Variants in WASHC4 observed in about 807,000 individuals in gnomAD.
WASHC4 encodes the protein WASH complex subunit 7.
Under a neutral mutation model 166.6 loss-of-function variants are expected in WASHC4, and 86 were observed. That is an observed-to-expected ratio of 0.52 (90% confidence interval 0.43 to 0.62). The LOEUF is 0.62. WASHC4 is among the 20% of genes least tolerant of loss of function. The probability of loss-of-function intolerance (pLI) is 0.00; values close to 1 mark genes in which losing one functional copy is unlikely to be tolerated. For synonymous variants in WASHC4, 446 were observed against 451.6 expected (o/e 0.99, Z 0.16); for missense variants, 1,262 against 1,382.4 (o/e 0.91, Z 1.38).
intron 10 of WASHC4, among the ~76,000 whole-genome samples, chr12:105,124,244 C>T (rs1305168839): frequency 6.6e-6 from 1 of 151,510 alleles, no homozygotes; most frequent in African/African-American, 2.4e-5. Flanking sequence ...CTCAGCCTCC[C>T]GAGTAGCTGG....
intron 12 of WASHC4, 51 bp downstream of exon 12, chr12:105,126,413 G>C: frequency 7.4e-7 from 1 of 1,352,710 alleles, no homozygotes; most frequent in Non-Finnish European, 1.0e-6. Context: ...AAAGATTGCA[G>C]ATAAAACTAA....
At chr12:105,136,815 T>C (rs1882368799) in intron 14 of WASHC4, among the ~76,000 whole-genome samples, 1 of 152,158 alleles carries the variant, frequency 6.6e-6, no homozygotes, top group Non-Finnish European at 1.5e-5. Context: ...TATCCTCTCT[T>C]TGATTTTTTC....
chr12:105,164,073 T>C (rs1884662314), intron 30 of WASHC4, 38 bp from the exon 31 acceptor site: 2 of 1,568,060 alleles, frequency 1.3e-6, no homozygotes, highest in Non-Finnish European at 1.8e-6. Flanking sequence ...ACTTCTGTAC[T>C]CACTGTAATT....
chr12:105,124,209 T>C (rs1484655240), intron 10 of WASHC4, among the ~76,000 whole-genome samples: 1 of 150,678 alleles, frequency 6.6e-6, no homozygotes, highest in Non-Finnish European at 1.5e-5. Context: ...AACCTCTGCC[T>C]CACGGGTTCA....
At position 105,144,744 on chromosome 12, in the gene WASHC4, ACTTT is replaced by A; in HGVS notation, c.2209_2212del (p.Phe737ThrfsTer3). 1 of 1,612,322 alleles carries A rather than the reference ACTTT, an allele frequency of 6.2e-7. No individual in the cohort carries two copies. Among genetic ancestry groups the A allele is most frequent in the Non-Finnish European group, 8.5e-7 (1 of 1,179,148 alleles). ...TTACGTAACTCACTACCTAGACAAG[ACTTT>A]CTACAATCTAACAACTGTAGCCCTT... On this transcript the variant is annotated frameshift_variant, in exon 22 of 33. Transcript: ENST00000332180. LOFTEE classifies it high-confidence loss of function.
At chr12:105,156,516 A>G in intron 26 of WASHC4, 1 of 279,000 alleles carries the variant, frequency 3.6e-6, no homozygotes, top group Non-Finnish European at 6.5e-6. Flanking sequence ...AATATTTAAT[A>G]TAGTTATATA....
intron 19 of WASHC4, 49 bp downstream of exon 19, chr12:105,142,607 T>G: frequency 1.9e-6 from 2 of 1,065,040 alleles, no homozygotes; most frequent in Non-Finnish European, 2.9e-6. Flanking sequence ...TAAAAGTCAC[T>G]GTGTAAACCG....
At chr12:105,120,523 T>G (rs1880629525) in intron 7 of WASHC4, 32 bp from the exon 8 acceptor site, 3 of 1,433,862 alleles carry the variant, frequency 2.1e-6, no homozygotes, top group Non-Finnish European at 2.9e-6. Flanking sequence ...AAAAAGGAAG[T>G]TTTTTTTAAC....
At chr12:105,128,754 T>A (rs1881516459) in intron 13 of WASHC4, among the ~76,000 whole-genome samples, 1 of 146,700 alleles carries the variant, frequency 6.8e-6, no homozygotes, top group East Asian at 2.0e-4. Flanking sequence ...GAATTGATAG[T>A]TGCATTAAAT....
chr12:105,122,325 C>A, intron 10 of WASHC4, 87 bp downstream of exon 10: 2 of 1,341,820 alleles, frequency 1.5e-6, no homozygotes, highest in Middle Eastern at 1.8e-4. Flanking sequence ...TTATAATATA[C>A]TGTTGAATAT....
Position 105,141,160 on chromosome 12 carries a change from C to G in WASHC4, c.1708-7C>G, listed in dbSNP as rs1882812996. 3 of 1,612,358 alleles carry G rather than the reference C, an allele frequency of 1.9e-6. No homozygotes were observed. Among genetic ancestry groups the G allele is most frequent in the South Asian group, 1.1e-5 (1 of 91,042 alleles). On this transcript the variant is annotated splice_polypyrimidine_tract_variant and splice_region_variant and intron_variant, in intron 17 of 32. Transcript: ENST00000332180. ...ACTTCTCTGCCTTTTTTTCCTGTCC[C>G]TGATAGAAAACATTTAAAGATGAAG...
intron 13 of WASHC4, among the ~76,000 whole-genome samples, chr12:105,127,883 T>A (rs1234776628): frequency 3.9e-5 from 6 of 152,164 alleles, no homozygotes; most frequent in Non-Finnish European, 7.4e-5. Context: ...TCTTATTGTG[T>A]AAATTTTCAA....
chr12:105,115,226 G>A lies in WASHC4; in HGVS notation c.364G>A (p.Gly122Arg). 1 of 1,560,176 alleles carries A rather than the reference G, an allele frequency of 6.4e-7. No individual in the cohort carries two copies. The highest frequency in any genetic ancestry group is 1.1e-5 in the South Asian group (1 of 89,530). Reference protein sequence around the residue: ...FYNGLLFYGEGATDASMVEGD... With the variant: ...FYNGLLFYGERATDASMVEGD... ...CAATGGTCTCTTGTTTTATGGAGAA[G>A]GAGGTAAGTTTAAAATTCCAAATTG... is the stretch of plus-strand genomic sequence containing the variant. The change falls in exon 5 of 33, where the codon GGA (glycine) becomes AGA (arginine). Residue 122 changes from glycine (G) to arginine (R), a missense_variant. Gly to Arg is a moderately radical substitution (Grantham distance 125, BLOSUM62 -2). Coordinates refer to ENST00000332180, the MANE Select transcript of WASHC4 (RefSeq NM_015275.3).
intron 13 of WASHC4, among the ~76,000 whole-genome samples, chr12:105,130,429 A>T (rs1881692102): frequency 6.6e-6 from 1 of 152,228 alleles, no homozygotes; most frequent in Non-Finnish European, 1.5e-5. Context: ...ACTTTCAAAG[A>T]CTTATCACAT....
At chr12:105,156,614 T>C (rs2135831837) in intron 26 of WASHC4, 112 bp from the exon 27 acceptor site, 1 of 751,732 alleles carries the variant, frequency 1.3e-6, no homozygotes, top group Non-Finnish European at 2.2e-6. Context: ...TAGCAAAATA[T>C]TTTGGTTCTT....
intron 14 of WASHC4, among the ~76,000 whole-genome samples, chr12:105,134,111 G>C (rs2464175): frequency 0.86 from 131,240 of 152,106 alleles, 56,818 homozygotes; most frequent in East Asian, 0.98. Context: ...TAGCTGTATC[G>C]TAGAAGTTTT....
intron 24 of WASHC4, chr12:105,148,295 A>G: frequency 1.0e-6 from 1 of 985,426 alleles, no homozygotes; most frequent in Non-Finnish European, 1.2e-6. Flanking sequence ...ACCTTTGAGG[A>G]TAAATAAAAC....
intron 18 of WASHC4, 76 bp downstream of exon 18, chr12:105,141,322 C>A: frequency 9.6e-7 from 1 of 1,037,056 alleles, no homozygotes; most frequent in Non-Finnish European, 1.5e-6. Flanking sequence ...TTTAGCATAG[C>A]AAGAGAAGAA....
chr12:105,146,258 A>G (rs1293117072), intron 22 of WASHC4, among the ~76,000 whole-genome samples, 194 bp from the exon 23 acceptor site: 1 of 152,168 alleles, frequency 6.6e-6, no homozygotes, highest in East Asian at 1.9e-4. Context: ...AGATAAAGTA[A>G]TAAGCAGCCA....
Sources: gnomAD v4.1 joint callset for allele counts (sites outside exome capture counted in the v4.1 genomes callset) on GRCh38, gnomAD v4.1.1 for gene constraint, MANE v1.5 for transcripts, NCBI Gene and HGNC (gene_info 2026-07-23, HGNC 2026-07-21) for gene names.